The following NFILZ variants were observed in gnomAD, a reference collection of about 807,000 sequenced individuals.
NFILZ encodes the protein NFIL3 like basic leucine zipper, also known as NFIL3 like protein.
At chr19:8,648,609 G>T (rs1470570957) in intron 3 of NFILZ, among the ~76,000 whole-genome samples, 1 of 152,154 alleles carries the variant, frequency 6.6e-6, no homozygotes, top group African/African-American at 2.4e-5. Context: ...CTTGAGGTCA[G>T]GAGTTCAAGA....
chr19:8,640,396 A>T (rs2042914332), intron 3 of NFILZ, among the ~76,000 whole-genome samples: 1 of 149,688 alleles, frequency 6.7e-6, no homozygotes, highest in Admixed American at 6.8e-5. Context: ...CACCAACAGG[A>T]AAAGTTTACA....
intron 3 of NFILZ, among the ~76,000 whole-genome samples, chr19:8,656,924 T>A (rs2043006648): frequency 6.6e-6 from 1 of 151,750 alleles, no homozygotes; most frequent in Admixed American, 6.6e-5. Flanking sequence ...GTAAATCTGG[T>A]GGTTAGGTGG....
chr19:8,652,985 TTCCTTCCTTCCTTC>T (rs2042972688), intron 3 of NFILZ, among the ~76,000 whole-genome samples: 29 of 45,982 alleles, frequency 6.3e-4, no homozygotes, highest in African/African-American at 3.3e-3. Flanking sequence ...CCTTCCTTCC[TTCCTTCCTTCCTTC>T]CTTCCTTCCT....
intron 3 of NFILZ, among the ~76,000 whole-genome samples, chr19:8,645,300 ATTT>A (rs35280185): frequency 2.5e-5 from 3 of 118,068 alleles, no homozygotes; most frequent in Non-Finnish European, 3.6e-5. Flanking sequence ...CACCTGGGTG[ATTT>A]TTTTTTTTTT....
intron 3 of NFILZ, among the ~76,000 whole-genome samples, chr19:8,643,504 T>C (rs1168795010): frequency 6.6e-6 from 1 of 152,164 alleles, no homozygotes; most frequent in Non-Finnish European, 1.5e-5. Flanking sequence ...TTTGCATTGG[T>C]GGACTGAGAA....
intron 4 of NFILZ, among the ~76,000 whole-genome samples, chr19:8,675,638 A>G (rs1555750640): frequency 6.6e-6 from 1 of 152,214 alleles, no homozygotes; most frequent in East Asian, 1.9e-4. Flanking sequence ...ATAATGGCAT[A>G]CAAGTGTAGT....
chr19:8,663,760 GTGTGTGTGTGTATGTA>G (rs1236102692), intron 3 of NFILZ, among the ~76,000 whole-genome samples: 1 of 136,254 alleles, frequency 7.3e-6, no homozygotes, highest in African/African-American at 2.7e-5. Context: ...GTGTGTGTGT[GTGTGTGTGTGTATGTA>G]TGTGTGTTTG....
intron 3 of NFILZ, among the ~76,000 whole-genome samples, chr19:8,643,118 T>C (rs1336819694): frequency 2.0e-5 from 3 of 151,912 alleles, no homozygotes; most frequent in African/African-American, 7.3e-5. Context: ...CCTGGCTAAT[T>C]TGAAAATTTT....
rs546537297 is a variant in NFILZ at position 8,646,257 on chromosome 19, G to A, written c.-164+10511G>A. 3.5e-4 allele frequency among the ~76,000 whole-genome samples: 54 copies of A among 152,118 alleles called. No individual in the cohort carries two copies. The East Asian group carries it at 9.5e-3, about 27-fold the overall frequency. On this transcript the variant is annotated intron_variant, in intron 3 of 5. Coordinates refer to ENST00000691075, the MANE Select transcript of NFILZ (RefSeq NM_001378600.1). ...TCACCATGTTGGCCAGGCTAGTCTC[G>A]AACTCCTGACCTCAAGTGATCTGCC...
chr19:8,631,822 C>T (rs1555745570), intron 1 of NFILZ, among the ~76,000 whole-genome samples: 1 of 136,752 alleles, frequency 7.3e-6, no homozygotes, highest in Non-Finnish European at 1.6e-5. Flanking sequence ...TCACTCCAGT[C>T]CTCGCTTTTG....
chr19:8,645,907 A>G (rs1178376213), intron 3 of NFILZ, among the ~76,000 whole-genome samples: 1 of 152,218 alleles, frequency 6.6e-6, no homozygotes, highest in African/African-American at 2.4e-5. Context: ...CGAAGATGAT[A>G]TTAGGTTGAT....
chr19:8,645,086 C>G (rs1171895079), intron 3 of NFILZ, among the ~76,000 whole-genome samples: 2 of 134,230 alleles, frequency 1.5e-5, no homozygotes, highest in East Asian at 5.1e-4. Flanking sequence ...GTCCAGCTTT[C>G]CATTTTCTTA....
chr19:8,661,030 T>C lies in NFILZ; in HGVS notation c.-163-13521T>C, dbSNP rs10403878. ...CCCTTCCCTTTCTTTCCTCCCTCCC[T>C]CTCCCTCCCTTCCGTCCCCCTCCCT... On this transcript the variant is annotated intron_variant, in intron 3 of 5. Transcript: ENST00000691075. 6.1e-3 allele frequency among the ~76,000 whole-genome samples: 159 copies of C among 26,180 alleles called. 1 individual carries two copies. The highest frequency in any genetic ancestry group is 0.022 in the African/African-American group (134 of 6,126). 17.2% of individuals were successfully genotyped at this position (26,180 alleles called of 152,430 possible). A position where few individuals can be genotyped will look rare whatever the true frequency, so the allele number is the denominator to read the frequency against.
intron 3 of NFILZ, among the ~76,000 whole-genome samples, chr19:8,644,390 C>T (rs10419220): frequency 0.012 from 1,879 of 152,170 alleles, 42 homozygotes; most frequent in African/African-American, 0.043. Context: ...CATGAGCCAC[C>T]GTAGCTGGTA....
intron 3 of NFILZ, among the ~76,000 whole-genome samples, chr19:8,637,953 AAAAC>A (rs2042902666): frequency 6.6e-6 from 1 of 151,318 alleles, no homozygotes; most frequent in South Asian, 2.1e-4. Context: ...CAGAAAAAGA[AAAAC>A]AAAAAGCCTC....
chr19:8,650,903 A>G lies in NFILZ; in HGVS notation c.-164+15157A>G, dbSNP rs558878949. Among the ~76,000 whole-genome samples the G allele has an allele frequency of 9.9e-5, 15 of 152,280 alleles. No individual in the cohort carries two copies. The East Asian group carries it at 2.9e-3, about 29-fold the overall frequency. ...TGGTGAACTTTGTGTTCTCCATGGA[A>G]ATTAATTCAGAGAAATTCCCATGTA... On this transcript the variant is annotated intron_variant, in intron 3 of 5. Transcript: ENST00000691075.
At chr19:8,660,581 C>CTCCT (rs35156565) in intron 3 of NFILZ, among the ~76,000 whole-genome samples, 21 of 110,100 alleles carry the variant, frequency 1.9e-4, no homozygotes, top group Admixed American at 1.5e-3. Flanking sequence ...CCCTCCCTCC[C>CTCCT]TCCTTCCTTC....
chr19:8,631,830 T>TTATGTGTG lies in NFILZ; in HGVS notation c.-410-645_-410-644insATGTGTGT, dbSNP rs367777602. ...GGCTTGGTCACTCCAGTCCTCGCTT[T>TTATGTGTG]TGTGTGTGTGTGTGTGTGTGTGTGT... On this transcript the variant is annotated intron_variant, in intron 1 of 5. Transcript: ENST00000691075. Among the ~76,000 whole-genome samples, 1,155 of 145,976 alleles carry TTATGTGTG rather than the reference T, an allele frequency of 7.9e-3. 18 individuals are homozygous for TTATGTGTG. Among genetic ancestry groups the TTATGTGTG allele is most frequent in the East Asian group, 0.02 (97 of 4,784 alleles).
intron 3 of NFILZ, among the ~76,000 whole-genome samples, chr19:8,657,985 C>T (rs11668163): frequency 0.54 from 82,576 of 151,858 alleles, 23,087 homozygotes; most frequent in Non-Finnish European, 0.61. Flanking sequence ...TGGGTGGGTG[C>T]AGGGACTCTC....
Sources: allele counts gnomAD v4.1 joint callset (sites outside exome capture counted in the v4.1 genomes callset), GRCh38; gene constraint gnomAD v4.1.1; transcripts MANE v1.5; gene names NCBI Gene and HGNC (gene_info 2026-07-23, HGNC 2026-07-21).